The following CARMIL1 variants were observed in gnomAD, a reference collection of about 807,000 sequenced individuals.
CARMIL1 encodes capping protein regulator and myosin 1 linker 1.
A neutral mutation model predicts 177.1 loss-of-function variants in CARMIL1; 90 were observed. The observed-to-expected ratio is 0.51, with a 90% CI of 0.43 to 0.61. The LOEUF is 0.61. Among genes scored for constraint, CARMIL1 ranks in the 20% least tolerant of loss-of-function variants. The pLI is 0.00. For synonymous variants in CARMIL1, 577 were observed against 606.2 expected, an observed-to-expected ratio of 0.95 and a Z score of 0.71; for missense variants, 1,380 against 1,667.0, an observed-to-expected ratio of 0.83 and a Z score of 3.00.
At chr6:25,522,296 T>G (rs1332378924) in intron 23 of CARMIL1, among the ~76,000 whole-genome samples, 1 of 152,236 alleles carries the variant, frequency 6.6e-6, no homozygotes, top group East Asian at 1.9e-4. Context: ...CTAGTGGCTT[T>G]CAGGATAAAT....
chr6:25,390,455 A>G (rs1562074190), intron 2 of CARMIL1, among the ~76,000 whole-genome samples: 2 of 149,632 alleles, frequency 1.3e-5, no homozygotes, highest in Non-Finnish European at 3.0e-5. Context: ...CCAAGTAGCT[A>G]CAACTACAGG....
intron 25 of CARMIL1, among the ~76,000 whole-genome samples, chr6:25,539,373 A>G (rs1200235409): frequency 3.9e-5 from 6 of 151,976 alleles, no homozygotes; most frequent in African/African-American, 1.4e-4. Context: ...AGAACTGGAG[A>G]CTTGCCTGGT....
intron 8 of CARMIL1, among the ~76,000 whole-genome samples, chr6:25,462,539 G>A (rs1800216915): frequency 6.6e-6 from 1 of 152,174 alleles, no homozygotes; most frequent in South Asian, 2.1e-4. Context: ...CATGATGGCG[G>A]CATTTGTTGA....
intron 2 of CARMIL1, among the ~76,000 whole-genome samples, chr6:25,297,731 C>G (rs900134976): frequency 6.6e-6 from 1 of 152,150 alleles, no homozygotes; most frequent in African/African-American, 2.4e-5. Context: ...GCAGGTTGTC[C>G]GCAGAACTGA....
intron 2 of CARMIL1, among the ~76,000 whole-genome samples, chr6:25,329,036 A>G (rs1207675738): frequency 6.6e-6 from 1 of 152,148 alleles, no homozygotes; most frequent in Non-Finnish European, 1.5e-5. Flanking sequence ...AGTTTATAAG[A>G]ATCAGTGGGC....
In CARMIL1 at chr6:25,515,716, T is replaced by A; in HGVS notation, c.1674T>A (p.Thr558=). The A allele has an allele frequency of 6.2e-7, 1 of 1,609,484 alleles. No individual in the cohort carries two copies. The highest frequency in any genetic ancestry group is 8.5e-7 in the Non-Finnish European group (1 of 1,178,174). Residue 558 remains threonine, a synonymous_variant, in exon 21 of 37, where the codon ACT becomes ACA. Transcript: ENST00000329474. The surrounding 1 kb of genome is among the most constrained non-coding windows in gnomAD (Gnocchi z 5.0). ...SLSLADSKLK[T]EVTIIINALG... ...CCCTGGCTGACTCGAAACTCAAGAC[T>A]GAGGTCACCATCATCATCAATGCCC...
chr6:25,454,546 A>G lies in CARMIL1; in HGVS notation c.614+3835A>G, dbSNP rs1799291003. ...AACTTTATATTATTGACTTATTTTAATATTTCTCCTTGTTTTATGATATGT... is the reference window on the plus strand; with the variant it reads ...AACTTTATATTATTGACTTATTTTAGTATTTCTCCTTGTTTTATGATATGT... On this transcript the variant is annotated intron_variant, in intron 8 of 36. Coordinates refer to ENST00000329474, the MANE Select transcript of CARMIL1 (RefSeq NM_017640.6). Among the ~76,000 whole-genome samples the G allele has an allele frequency of 2.0e-5, 3 of 152,184 alleles. No individual in the cohort carries two copies. In the South Asian group the frequency reaches 6.2e-4, roughly 32 times the overall value.
chr6:25,571,684 A>G (rs1003288996), intron 29 of CARMIL1, among the ~76,000 whole-genome samples: 1 of 152,232 alleles, frequency 6.6e-6, no homozygotes, highest in Admixed American at 6.5e-5. Flanking sequence ...TAGTGGAACA[A>G]CCTGACATAT....
At position 25,421,557 on chromosome 6, in the gene CARMIL1, A is replaced by G. The variant is rs576904363; in HGVS notation, c.189+1393A>G. On this transcript the variant is annotated intron_variant, in intron 3 of 36. Coordinates refer to ENST00000329474, the MANE Select transcript of CARMIL1 (RefSeq NM_017640.6). Reference sequence around the variant, plus strand: ...CCAAAGGACTATAAATCATGCTGCTATAAAGACAAATGCACACGTATGTTT... The same window carrying G: ...CCAAAGGACTATAAATCATGCTGCTGTAAAGACAAATGCACACGTATGTTT... Among the ~76,000 whole-genome samples, 160 of 152,260 alleles carry G rather than the reference A, an allele frequency of 1.1e-3. 2 individuals carry two copies. In the East Asian group the frequency reaches 0.029, roughly 28 times the overall value.
chr6:25,496,289 C>A (rs932586151), intron 16 of CARMIL1, among the ~76,000 whole-genome samples: 1 of 151,856 alleles, frequency 6.6e-6, no homozygotes, highest in Non-Finnish European at 1.5e-5. Flanking sequence ...ACCAGCTTGG[C>A]CAACATGGTG....
chr6:25,287,089 A>G (rs1174917335), intron 2 of CARMIL1, among the ~76,000 whole-genome samples: 1 of 152,246 alleles, frequency 6.6e-6, no homozygotes, highest in African/African-American at 2.4e-5. Context: ...ACAGGCTTCA[A>G]GTTAGAACAA....
At chr6:25,585,305 C>CT (rs1394717341) in intron 31 of CARMIL1, among the ~76,000 whole-genome samples, 1 of 152,016 alleles carries the variant, frequency 6.6e-6, no homozygotes, top group Admixed American at 6.6e-5. Context: ...GTTTTTCTTC[C>CT]TAGGATTCAG....
intron 11 of CARMIL1, among the ~76,000 whole-genome samples, chr6:25,475,889 TA>T (rs1333829788): frequency 4.6e-5 from 7 of 152,194 alleles, no homozygotes; most frequent in African/African-American, 1.4e-4. Context: ...ACTTCCATAA[TA>T]GCACTTACTT....
chr6:25,362,231 G>A (rs1789286610), intron 2 of CARMIL1, among the ~76,000 whole-genome samples: 1 of 151,912 alleles, frequency 6.6e-6, no homozygotes, highest in Non-Finnish European at 1.5e-5. Flanking sequence ...CCAGAAAGGA[G>A]TGCCTTTGTT....
intron 36 of CARMIL1, among the ~76,000 whole-genome samples, chr6:25,610,726 A>G (rs115195400): frequency 0.018 from 2,679 of 152,274 alleles, 38 homozygotes; most frequent in Middle Eastern, 0.034. Context: ...TGCTCCTTCT[A>G]ATTTGCTGAG....
intron 2 of CARMIL1, among the ~76,000 whole-genome samples, chr6:25,312,618 G>A (rs1783923195): frequency 6.6e-6 from 1 of 151,978 alleles, no homozygotes; most frequent in Non-Finnish European, 1.5e-5. Context: ...CACTTACTTG[G>A]TTGGGAGATT....
chr6:25,351,590 GGATGC>G (rs1788105017), intron 2 of CARMIL1, among the ~76,000 whole-genome samples: 2 of 152,306 alleles, frequency 1.3e-5, no homozygotes, highest in South Asian at 4.1e-4. Flanking sequence ...GCATTTAGTT[GGATGC>G]GAGGTTGCCT....
intron 2 of CARMIL1, among the ~76,000 whole-genome samples, chr6:25,314,768 G>A (rs1209165434): frequency 6.6e-6 from 1 of 152,144 alleles, no homozygotes; most frequent in Admixed American, 6.5e-5. Context: ...ACAGATGGAT[G>A]TACTCTGTAT....
chr6:25,575,174 A>C (rs926326), intron 29 of CARMIL1, among the ~76,000 whole-genome samples: 1 of 152,104 alleles, frequency 6.6e-6, no homozygotes, highest in Non-Finnish European at 1.5e-5. Flanking sequence ...ATGAGCATGA[A>C]ACATACTCCT....
Sources: gnomAD v4.1 joint callset for allele counts (sites outside exome capture counted in the v4.1 genomes callset) on GRCh38, gnomAD v4.1.1 for gene constraint, Gnocchi (gnomAD v3.1) non-coding constraint, MANE v1.5 for transcripts, NCBI Gene and HGNC (gene_info 2026-07-23, HGNC 2026-07-21) for gene names.